KLHL1: variants seen among roughly 807,000 people sequenced by gnomAD.
The protein encoded by KLHL1 is kelch like family member 1, also known as kelch-like protein 1.
KLHL1 carries 47 observed loss-of-function variants against 77.7 expected under a neutral mutation model. The ratio of observed to expected loss-of-function variants is 0.60; its 90% CI spans 0.48 to 0.77. KLHL1 has a LOEUF of 0.77. KLHL1 is among the 30% of genes least tolerant of loss of function. The pLI, the probability that KLHL1 is intolerant of heterozygous loss-of-function variation, is 0.00. For missense variants in KLHL1, 925 were observed against 910.8 expected (o/e 1.02, Z -0.20); for synonymous variants, 360 against 325.2 (o/e 1.11, Z -1.15).
intron 1 of KLHL1, among the ~76,000 whole-genome samples, chr13:70,077,435 A>C (rs1887291316): frequency 6.6e-6 from 1 of 151,956 alleles, no homozygotes; most frequent in African/African-American, 2.4e-5. Context: ...AAAAAAAATT[A>C]GTCGTTGAAG....
rs553629744 is a variant in KLHL1, at chr13:69,860,855, A to T, written c.1227+21428T>A. Among the ~76,000 whole-genome samples, 65 of 144,524 alleles carry T rather than the reference A, an allele frequency of 4.5e-4. 1 individual carries two copies. Among genetic ancestry groups the T allele is most frequent in the Middle Eastern group, 7.5e-3 (2 of 266 alleles). The allele number at this position is 144,524 out of a possible 152,430, so 94.8% of individuals were successfully genotyped here. A position where few individuals can be genotyped will look rare whatever the true frequency, so the allele number is the denominator to read the frequency against. ...TAGATATCTTTAGAATTACATATTTAAAAAAAAACATACTAATAGAATTCT... is the reference window on the plus strand; with the variant it reads ...TAGATATCTTTAGAATTACATATTTTAAAAAAAACATACTAATAGAATTCT... On this transcript the variant is annotated intron_variant, in intron 5 of 10. Coordinates refer to ENST00000377844, the MANE Select transcript of KLHL1 (RefSeq NM_020866.3).
At chr13:69,759,656 C>T (rs573049122) in intron 7 of KLHL1, among the ~76,000 whole-genome samples, 2 of 152,304 alleles carry the variant, frequency 1.3e-5, no homozygotes, top group East Asian at 3.9e-4. Flanking sequence ...TATCCATCTT[C>T]TAGTTACCTG....
At chr13:69,916,077 A>G (rs1882422447) in intron 4 of KLHL1, among the ~76,000 whole-genome samples, 1 of 152,178 alleles carries the variant, frequency 6.6e-6, no homozygotes, top group Admixed American at 6.5e-5. Flanking sequence ...AATCATTAAA[A>G]AGTCAGGAAA....
chr13:70,094,305 A>C (rs1030763968), intron 1 of KLHL1, among the ~76,000 whole-genome samples: 27 of 151,756 alleles, frequency 1.8e-4, no homozygotes, highest in African/African-American at 6.6e-4. Context: ...CAGCTGCATG[A>C]CAGAGTGAGA....
At chr13:70,011,300 T>G (rs1318131678) in intron 1 of KLHL1, among the ~76,000 whole-genome samples, 1 of 152,160 alleles carries the variant, frequency 6.6e-6, no homozygotes, top group African/African-American at 2.4e-5. Context: ...GAAAGAAGCA[T>G]GACCATGAAA....
At chr13:69,775,618 A>G (rs949727114) in intron 7 of KLHL1, among the ~76,000 whole-genome samples, 6 of 152,106 alleles carry the variant, frequency 3.9e-5, no homozygotes, top group Admixed American at 2.0e-4. Context: ...CAAAAATATT[A>G]TCTTTTGTTT....
chr13:69,976,749 C>T (rs1022583296), intron 1 of KLHL1, among the ~76,000 whole-genome samples: 9 of 152,040 alleles, frequency 5.9e-5, no homozygotes, highest in African/African-American at 1.9e-4. Flanking sequence ...GACTAAATCC[C>T]TCTCCACGAA....
chr13:69,839,661 A>G (rs975171862), intron 5 of KLHL1, among the ~76,000 whole-genome samples: 1 of 151,952 alleles, frequency 6.6e-6, no homozygotes, highest in Non-Finnish European at 1.5e-5. Flanking sequence ...TCTTCATAAC[A>G]TCTCTTTAAT....
chr13:69,967,614 G>A (rs192666748), intron 2 of KLHL1, among the ~76,000 whole-genome samples: 226 of 152,326 alleles, frequency 1.5e-3, no homozygotes, highest in Non-Finnish European at 2.9e-3. Context: ...CTGGTGGGGC[G>A]TTGTGGCTCA....
At chr13:69,861,350 T>C (rs938273540) in intron 5 of KLHL1, among the ~76,000 whole-genome samples, 2 of 152,098 alleles carry the variant, frequency 1.3e-5, no homozygotes, top group Non-Finnish European at 2.9e-5. Context: ...ACTTTATATG[T>C]CTATGAACAT....
chr13:70,024,088 G>A (rs1048256600), intron 1 of KLHL1, among the ~76,000 whole-genome samples: 1 of 151,774 alleles, frequency 6.6e-6, no homozygotes, highest in African/African-American at 2.4e-5. Flanking sequence ...TGTTTTACGA[G>A]ATCAGAGGAG....
intron 7 of KLHL1, among the ~76,000 whole-genome samples, chr13:69,760,768 A>C (rs2137964677): frequency 6.6e-6 from 1 of 152,306 alleles, no homozygotes; most frequent in East Asian, 1.9e-4. Flanking sequence ...GTTTCTGCAC[A>C]TCAATAAGCA....
intron 5 of KLHL1, among the ~76,000 whole-genome samples, chr13:69,848,848 A>G (rs78867691): frequency 0.048 from 7,289 of 151,654 alleles, 252 homozygotes; most frequent in African/African-American, 0.088. Context: ...TGACATAATC[A>G]AAATAAGTAG....
chr13:70,108,208 C>T lies in KLHL1; in HGVS notation c.-509G>A. The T allele has an allele frequency of 2.5e-6, 1 of 394,992 alleles. No individual in the cohort carries two copies. The highest frequency in any genetic ancestry group is 4.5e-6 in the Non-Finnish European group (1 of 224,582). The allele number at this position is 394,992 out of a possible 1,614,324, so 24.5% of individuals were successfully genotyped here. On this transcript the variant is annotated 5_prime_UTR_variant, in exon 1 of 11. Coordinates refer to ENST00000377844, the MANE Select transcript of KLHL1 (RefSeq NM_020866.3). ...TCTGGAGAGCGCAGAGAGAAAGAGC[C>T]CCAAGTCTCGAGGAAGCGTACCCCT...
At position 69,731,163 on chromosome 13, in the gene KLHL1, A is replaced by C. The variant is rs1194776774; in HGVS notation, c.1802+9231T>G. 2.0e-5 allele frequency among the ~76,000 whole-genome samples: 3 copies of C among 152,142 alleles called. No individual in the cohort carries two copies. In the South Asian group the frequency reaches 6.2e-4, roughly 31 times the overall value. ...GTATTATTAAATATATACATTTTCT[A>C]TTGAGTAAAGTGACAATATTAACAC... On this transcript the variant is annotated intron_variant, in intron 8 of 10. Transcript: ENST00000377844.
intron 4 of KLHL1, among the ~76,000 whole-genome samples, chr13:69,932,473 A>G (rs1883032552): frequency 6.6e-6 from 1 of 151,894 alleles, no homozygotes; most frequent in Admixed American, 6.6e-5. Flanking sequence ...TCCAGAAGGG[A>G]ATACTACATC....
intron 1 of KLHL1, among the ~76,000 whole-genome samples, chr13:70,053,374 G>A (rs936568900): frequency 6.6e-6 from 1 of 151,980 alleles, no homozygotes; most frequent in East Asian, 1.9e-4. Context: ...TTTATTCTTA[G>A]GAATATAGGC....
chr13:69,728,543 C>G (rs1337378785), intron 8 of KLHL1, among the ~76,000 whole-genome samples: 1 of 151,644 alleles, frequency 6.6e-6, no homozygotes, highest in Non-Finnish European at 1.5e-5. Flanking sequence ...CTTTGCACAC[C>G]TGTAATTCTA....
chr13:69,768,380 A>G (rs958479786), intron 7 of KLHL1, among the ~76,000 whole-genome samples: 1 of 152,180 alleles, frequency 6.6e-6, no homozygotes, highest in African/African-American at 2.4e-5. Flanking sequence ...CCTAGTGGAC[A>G]TTCAATTAAT....
Sources: gnomAD v4.1 joint callset for allele counts (sites outside exome capture counted in the v4.1 genomes callset) on GRCh38, gnomAD v4.1.1 for gene constraint, MANE v1.5 for transcripts, NCBI Gene and HGNC (gene_info 2026-07-23, HGNC 2026-07-21) for gene names.